Variants in IGSF21 observed in about 807,000 individuals in gnomAD.
The protein encoded by IGSF21 is immunoglobin superfamily member 21.
In IGSF21, 28 loss-of-function variants were observed where a neutral mutation model predicts 46.8. The ratio of observed to expected loss-of-function variants is 0.60; its 90% CI spans 0.44 to 0.82. The LOEUF (loss-of-function observed/expected upper bound fraction) is 0.82. Among genes scored for constraint, IGSF21 ranks in the 40% least tolerant of loss-of-function variants. IGSF21 has a pLI of 0.00. For missense variants in IGSF21, 624 were observed against 665.5 expected (o/e 0.94, Z 0.69); for synonymous variants, 284 against 273.6 (o/e 1.04, Z -0.38).
intron 3 of IGSF21, among the ~76,000 whole-genome samples, chr1:18,306,873 G>A (rs1238674373): frequency 6.6e-6 from 1 of 152,232 alleles, no homozygotes; most frequent in East Asian, 1.9e-4. Flanking sequence ...GCACGATTGA[G>A]AGAAACAGGC....
intron 1 of IGSF21, among the ~76,000 whole-genome samples, chr1:18,197,098 C>T (rs924840940): frequency 6.6e-6 from 1 of 152,212 alleles, no homozygotes; most frequent in Non-Finnish European, 1.5e-5. Context: ...CTCTCTGTCT[C>T]CTGAAAGGAG....
chr1:18,371,186 G>A (rs10907305), intron 6 of IGSF21, among the ~76,000 whole-genome samples: 43,250 of 152,078 alleles, frequency 0.28, 6,883 homozygotes, highest in East Asian at 0.38. Context: ...ATGAATAAAC[G>A]TATTTGTAGT....
intron 1 of IGSF21, among the ~76,000 whole-genome samples, chr1:18,131,166 C>G (rs2124416544): frequency 6.6e-6 from 1 of 152,358 alleles, no homozygotes; most frequent in South Asian, 2.1e-4. Flanking sequence ...CTGAGGCTTC[C>G]TGTCCCTGCT....
intron 1 of IGSF21, among the ~76,000 whole-genome samples, chr1:18,203,019 G>T (rs919193819): frequency 6.6e-6 from 1 of 152,180 alleles, no homozygotes; most frequent in Non-Finnish European, 1.5e-5. Flanking sequence ...AGTTGGGAGT[G>T]GCCAGGCTGC....
chr1:18,196,763 G>A (rs935218458), intron 1 of IGSF21, among the ~76,000 whole-genome samples: 2 of 152,122 alleles, frequency 1.3e-5, no homozygotes, highest in Non-Finnish European at 2.9e-5. Flanking sequence ...AGGCAGTGAC[G>A]GAGCTGGGAC....
chr1:18,211,192 G>A (rs549360959), intron 1 of IGSF21, among the ~76,000 whole-genome samples: 9 of 152,254 alleles, frequency 5.9e-5, no homozygotes, highest in African/African-American at 1.9e-4. Flanking sequence ...CATTTCTAAC[G>A]GCTGCTAGAG....
intron 1 of IGSF21, among the ~76,000 whole-genome samples, chr1:18,185,617 T>C (rs1483812483): frequency 1.3e-5 from 2 of 152,278 alleles, no homozygotes; most frequent in African/African-American, 4.8e-5. Context: ...GTGTTAAAGA[T>C]AGATTTTGGA....
rs1209935751 is a variant in IGSF21, at chr1:18,322,916, G to A, written c.306-11976G>A. Among the ~76,000 whole-genome samples the A allele has an allele frequency of 6.6e-6, 1 of 152,172 alleles. No homozygotes were observed. Among genetic ancestry groups the A allele is most frequent in the East Asian group, 1.9e-4 (1 of 5,166 alleles). ...CGGGAAGCGATGGGCCAGGAAGTCAGGGGAAGGGGTCAGCCAGTGAAAGAT... is the reference window on the plus strand; with the variant it reads ...CGGGAAGCGATGGGCCAGGAAGTCAAGGGAAGGGGTCAGCCAGTGAAAGAT... On this transcript the variant is annotated intron_variant, in intron 3 of 9. Coordinates refer to ENST00000251296, the MANE Select transcript of IGSF21 (RefSeq NM_032880.5). The surrounding 1 kb of genome is among the most constrained non-coding windows in gnomAD (Gnocchi z 4.3).
At position 18,322,218 on chromosome 1, in the gene IGSF21, C is replaced by T. The variant is rs903155443; in HGVS notation, c.306-12674C>T. On this transcript the variant is annotated intron_variant, in intron 3 of 9. Transcript: ENST00000251296. The surrounding 1 kb of genome is among the most constrained non-coding windows in gnomAD (Gnocchi z 4.3). ...GTACACTGATGAACGAGGCCTGCATCGGCTCCTGGAACTCAAGGGCGAGGG... is the reference window on the plus strand; with the variant it reads ...GTACACTGATGAACGAGGCCTGCATTGGCTCCTGGAACTCAAGGGCGAGGG... Among the ~76,000 whole-genome samples the T allele has an allele frequency of 6.6e-6, 1 of 152,134 alleles. No individual in the cohort carries two copies. Among genetic ancestry groups the T allele is most frequent in the Non-Finnish European group, 1.5e-5 (1 of 68,034 alleles).
At position 18,339,490 on chromosome 1, in the gene IGSF21, C is replaced by T. The variant is rs147505130; in HGVS notation, c.424+4480C>T. On this transcript the variant is annotated intron_variant, in intron 4 of 9. Transcript: ENST00000251296. ...CTCACATGTCTAATCCCAGTACTTC[C>T]GGAGGCTGAGGTGGGTGGATCTCTT... Among the ~76,000 whole-genome samples the T allele has an allele frequency of 4.4e-3, 675 of 152,236 alleles. 4 individuals are homozygous for T. The highest frequency in any genetic ancestry group is 0.015 in the African/African-American group (642 of 41,534).
At chr1:18,123,321 C>G (rs543546364) in intron 1 of IGSF21, among the ~76,000 whole-genome samples, 1 of 152,310 alleles carries the variant, frequency 6.6e-6, no homozygotes, top group South Asian at 2.1e-4. Context: ...ATAGCTGTGC[C>G]AGTGACAAGG....
At chr1:18,314,348 C>T (rs1339147517) in intron 3 of IGSF21, among the ~76,000 whole-genome samples, 2 of 151,558 alleles carry the variant, frequency 1.3e-5, no homozygotes, top group African/African-American at 2.4e-5. Flanking sequence ...CCAACCCAGA[C>T]TAGCTACCCC....
chr1:18,213,433 T>C (rs2084411898), intron 1 of IGSF21, among the ~76,000 whole-genome samples: 1 of 152,184 alleles, frequency 6.6e-6, no homozygotes, highest in Non-Finnish European at 1.5e-5. Flanking sequence ...TCTTTCATCC[T>C]TTCATCTTAT....
chr1:18,305,497 G>C, intron 3 of IGSF21, among the ~76,000 whole-genome samples: 1 of 141,084 alleles, frequency 7.1e-6, no homozygotes, highest in Non-Finnish European at 1.5e-5. Flanking sequence ...ATGATGGATG[G>C]ATGGATGGAT....
intron 2 of IGSF21, among the ~76,000 whole-genome samples, chr1:18,242,040 C>A (rs547934847): frequency 6.6e-6 from 1 of 152,176 alleles, no homozygotes; most frequent in South Asian, 2.1e-4. Context: ...GACATGGCTG[C>A]TTCAGGCTGT....
At chr1:18,289,985 G>A (rs961958637) in intron 2 of IGSF21, among the ~76,000 whole-genome samples, 3 of 152,176 alleles carry the variant, frequency 2.0e-5, no homozygotes, top group African/African-American at 7.2e-5. Context: ...TTGGGATGTG[G>A]GGAGATGGAA....
intron 4 of IGSF21, among the ~76,000 whole-genome samples, chr1:18,341,082 CCTCCTCCTCCTCCTT>C (rs1361703506): frequency 2.0e-5 from 2 of 98,680 alleles, no homozygotes; most frequent in African/African-American, 8.5e-5. Flanking sequence ...TTCTTCTCCT[CCTCCTCCTCCTCCTT>C]CTCCTCCTCC....
chr1:18,206,288 C>T (rs2084321939), intron 1 of IGSF21, among the ~76,000 whole-genome samples: 1 of 152,142 alleles, frequency 6.6e-6, no homozygotes, highest in Admixed American at 6.5e-5. Flanking sequence ...GTGGCTCATG[C>T]CTGCAATCCC....
intron 3 of IGSF21, 151 bp downstream of exon 3, chr1:18,292,138 A>T (rs2085273879): frequency 2.4e-6 from 2 of 835,172 alleles, no homozygotes; most frequent in Non-Finnish European, 3.7e-6. Context: ...TGGAAGTGGG[A>T]CCCATTCCCT....
Sources: gnomAD v4.1 joint callset for allele counts (sites outside exome capture counted in the v4.1 genomes callset) on GRCh38, gnomAD v4.1.1 for gene constraint, Gnocchi (gnomAD v3.1) non-coding constraint, MANE v1.5 for transcripts, NCBI Gene and HGNC (gene_info 2026-07-23, HGNC 2026-07-21) for gene names.